The following TPTE variants were observed in gnomAD, a reference collection of about 807,000 sequenced individuals.
TPTE encodes putative tyrosine-protein phosphatase TPTE.
A neutral mutation model predicts 84.1 loss-of-function variants in TPTE; 59 were observed. The ratio of observed to expected loss-of-function variants is 0.70; its 90% confidence interval spans 0.57 to 0.87. The LOEUF (loss-of-function observed/expected upper bound fraction) is 0.87. Among genes scored for constraint, TPTE ranks in the 40% least tolerant of loss-of-function variants. The pLI, the probability that TPTE is intolerant of heterozygous loss-of-function variation, is 0.00. For synonymous variants in TPTE, 130 were observed against 223.5 expected, an observed-to-expected ratio of 0.58 and a Z score of 3.73; for missense variants, 382 against 659.6, an observed-to-expected ratio of 0.58 and a Z score of 4.61.
At chr21:10,579,805 T>C (rs373650970) in intron 17 of TPTE, among the ~76,000 whole-genome samples, 604 of 150,422 alleles carry the variant, frequency 4.0e-3, no homozygotes, top group East Asian at 0.021. Flanking sequence ...ATTGACTCCA[T>C]AGCTTGGGTA....
chr21:10,527,808 G>A (rs1406471607), intron 3 of TPTE, among the ~76,000 whole-genome samples: 1 of 152,306 alleles, frequency 6.6e-6, no homozygotes, highest in Non-Finnish European at 1.5e-5. Flanking sequence ...CATCACATTG[G>A]ATGGAGCCCC....
chr21:10,542,023 TA>T (rs1296244046), intron 5 of TPTE, among the ~76,000 whole-genome samples: 7 of 152,414 alleles, frequency 4.6e-5, no homozygotes, highest in Middle Eastern at 3.4e-3. Flanking sequence ...TGGGTGAACA[TA>T]AGGAGCTAAT....
chr21:10,586,015 T>TAA (rs1312889364), intron 17 of TPTE, among the ~76,000 whole-genome samples: 10 of 152,290 alleles, frequency 6.6e-5, no homozygotes, highest in African/African-American at 2.4e-4. Context: ...ACTAGTCTTT[T>TAA]AAAAGAACCA....
intron 8 of TPTE, 99 bp from the exon 9 acceptor site, chr21:10,559,394 TC>T (rs1258771162): frequency 6.6e-7 from 1 of 1,526,484 alleles, no homozygotes; most frequent in African/African-American, 1.4e-5. Context: ...TGAATAATTT[TC>T]TTTTGAAATT....
chr21:10,580,143 T>A (rs1331221651), intron 17 of TPTE, among the ~76,000 whole-genome samples: 7 of 152,304 alleles, frequency 4.6e-5, no homozygotes, highest in Admixed American at 3.3e-4. Context: ...TCTTGGCCAT[T>A]TGTGTGTCTT....
intron 7 of TPTE, among the ~76,000 whole-genome samples, chr21:10,550,137 T>C (rs1160191798): frequency 1.3e-5 from 2 of 152,308 alleles, no homozygotes; most frequent in Non-Finnish European, 2.9e-5. Context: ...TCATCACCAC[T>C]AGACCAACAT....
At chr21:10,537,116 G>A (rs1255424154) in intron 3 of TPTE, among the ~76,000 whole-genome samples, 65 of 152,392 alleles carry the variant, frequency 4.3e-4, no homozygotes, top group Non-Finnish European at 6.9e-4. Flanking sequence ...AGGGATTTTA[G>A]TGTCAGGAAA....
intron 17 of TPTE, among the ~76,000 whole-genome samples, chr21:10,585,489 T>C (rs1600956476): frequency 6.6e-6 from 1 of 152,304 alleles, no homozygotes; most frequent in East Asian, 1.9e-4. Context: ...TTAAATTATT[T>C]TATTATTAAA....
At chr21:10,564,869 A>G (rs1600910296) in intron 10 of TPTE, among the ~76,000 whole-genome samples, 1 of 152,308 alleles carries the variant, frequency 6.6e-6, no homozygotes, top group East Asian at 1.9e-4. Context: ...TAAAAACCAT[A>G]TATGACAGAC....
chr21:10,574,653 C>T (rs1437797483), intron 14 of TPTE, among the ~76,000 whole-genome samples: 1 of 152,310 alleles, frequency 6.6e-6, no homozygotes, highest in African/African-American at 2.4e-5. Flanking sequence ...TGAAGATAAG[C>T]AGGCAGAGGG....
chr21:10,585,760 C>G (rs1221113404), intron 17 of TPTE, among the ~76,000 whole-genome samples: 1 of 152,290 alleles, frequency 6.6e-6, no homozygotes, highest in Non-Finnish European at 1.5e-5. Context: ...AATTATGGCT[C>G]AATTCCCTAT....
chr21:10,565,134 T>C (rs1394653917), intron 10 of TPTE, among the ~76,000 whole-genome samples: 1 of 152,304 alleles, frequency 6.6e-6, no homozygotes, highest in Non-Finnish European at 1.5e-5. Flanking sequence ...AAAAAAACTA[T>C]TAGAATTGAT....
chr21:10,555,409 C>T (rs150472), intron 8 of TPTE, among the ~76,000 whole-genome samples: 31,625 of 144,542 alleles, frequency 0.22, 64 homozygotes, highest in African/African-American at 0.47. Flanking sequence ...AGTTTCACCA[C>T]GTTGGCCAGG....
chr21:10,576,696 T>C (rs1187389876), intron 14 of TPTE: 7 of 152,322 alleles, frequency 4.6e-5, no homozygotes, highest in Non-Finnish European at 7.3e-5. Flanking sequence ...GTCATTTTTG[T>C]TGTTGCACAG....
intron 23 of TPTE, 77 bp downstream of exon 23, chr21:10,603,709 G>A: frequency 1.3e-6 from 2 of 1,540,046 alleles, no homozygotes; most frequent in Non-Finnish European, 1.8e-6. Flanking sequence ...CAAGTCTTTT[G>A]CTGGTTGTCA....
intron 9 of TPTE, among the ~76,000 whole-genome samples, chr21:10,559,894 GAAA>G (rs2074760627): frequency 7.2e-6 from 1 of 138,088 alleles, no homozygotes; most frequent in Non-Finnish European, 1.6e-5. Context: ...AAAAAAAAAA[GAAA>G]AGAAAATATA....
At chr21:10,527,762 C>T (rs1434592529) in intron 3 of TPTE, among the ~76,000 whole-genome samples, 2 of 152,306 alleles carry the variant, frequency 1.3e-5, no homozygotes, top group African/African-American at 4.8e-5. Context: ...ATCTGTCCCT[C>T]ACCCTTCAGA....
chr21:10,530,028 A>T (rs184801805), intron 3 of TPTE, among the ~76,000 whole-genome samples: 1 of 152,418 alleles, frequency 6.6e-6, no homozygotes, highest in African/African-American at 2.4e-5. Flanking sequence ...AAATTCTTAC[A>T]TTATTTCAAT....
At chr21:10,525,074 T>C (rs2074054708) in intron 2 of TPTE, among the ~76,000 whole-genome samples, 1 of 152,426 alleles carries the variant, frequency 6.6e-6, no homozygotes, top group South Asian at 2.1e-4. Context: ...TCAAGGATGG[T>C]AAGCTAGTGT....
Sources: allele counts gnomAD v4.1 joint callset (sites outside exome capture counted in the v4.1 genomes callset), GRCh38; gene constraint gnomAD v4.1.1; transcripts MANE v1.5; gene names NCBI Gene and HGNC (gene_info 2026-07-23, HGNC 2026-07-21).